The following DNAJC5 variants were observed in gnomAD, a reference collection of about 807,000 sequenced individuals.
The protein encoded by DNAJC5 is dnaJ homolog subfamily C member 5.
A neutral mutation model predicts 23.2 loss-of-function variants in DNAJC5; 1 was observed. The observed-to-expected ratio is 0.04, with a 90% CI of 0.02 to 0.20. The LOEUF is 0.20. Among genes scored for constraint, DNAJC5 ranks in the 10% least tolerant of loss-of-function variants. The probability of loss-of-function intolerance (pLI) is 1.00; values close to 1 mark genes in which losing one functional copy is unlikely to be tolerated. For missense variants in DNAJC5, 180 were observed against 267.0 expected (o/e 0.67, Z 2.27); for synonymous variants, 136 against 120.0 (o/e 1.13, Z -0.87).
rs1361555854 is a variant in DNAJC5 at position 63,933,457 on chromosome 20, T to C, written c.*1889T>C. On this transcript the variant is annotated 3_prime_UTR_variant, in exon 5 of 5. Transcript: ENST00000360864. Reference sequence around the variant, plus strand: ...TTTGTTTGTCCCACTTTTCTTTGTTTCTTCTCACTAAAATGATCACGAAGA... The same window carrying C: ...TTTGTTTGTCCCACTTTTCTTTGTTCCTTCTCACTAAAATGATCACGAAGA... 1 of 152,346 alleles carries C rather than the reference T, an allele frequency of 6.6e-6. No individual in the cohort carries two copies. The highest frequency in any genetic ancestry group is 1.5e-5 in the Non-Finnish European group (1 of 68,040). 9.4% of individuals were successfully genotyped at this position (152,346 alleles called of 1,614,324 possible). A position where few individuals can be genotyped will look rare whatever the true frequency, so the allele number is the denominator to read the frequency against.
At position 63,932,873 on chromosome 20, in the gene DNAJC5, G is replaced by T. The variant is rs41278216; in HGVS notation, c.*1305G>T. On this transcript the variant is annotated 3_prime_UTR_variant, in exon 5 of 5. Coordinates refer to ENST00000360864, the MANE Select transcript of DNAJC5 (RefSeq NM_025219.3). The surrounding 1 kb of genome is among the most constrained non-coding windows in gnomAD (Gnocchi z 4.4). ...TTGGGAGGCCAGCAGCCAGACTACG[G>T]AATCCACATGTGGACCATGGGAAGT... is the stretch of plus-strand genomic sequence containing the variant. 1 of 152,542 alleles carries T rather than the reference G, an allele frequency of 6.6e-6. No homozygotes were observed. Among genetic ancestry groups the T allele is most frequent in the Non-Finnish European group, 1.5e-5 (1 of 68,088 alleles). 9.4% of individuals were successfully genotyped at this position (152,542 alleles called of 1,614,324 possible). A position where few individuals can be genotyped will look rare whatever the true frequency, so the allele number is the denominator to read the frequency against.
chr20:63,926,036 G>T (rs1193731968), intron 1 of DNAJC5, among the ~76,000 whole-genome samples: 2 of 152,080 alleles, frequency 1.3e-5, no homozygotes, highest in Admixed American at 6.6e-5. Context: ...CACTGTGTTA[G>T]CCAGGATGGT....
At chr20:63,917,564 AT>A (rs1326087365) in intron 1 of DNAJC5, among the ~76,000 whole-genome samples, 3 of 136,926 alleles carry the variant, frequency 2.2e-5, no homozygotes, top group Non-Finnish European at 4.7e-5. Context: ...TATTATTATT[AT>A]TTTTTTTTGA....
chr20:63,899,901 G>A (rs1191132148), intron 1 of DNAJC5, among the ~76,000 whole-genome samples: 1 of 62,848 alleles, frequency 1.6e-5, no homozygotes, highest in African/African-American at 6.3e-5. Context: ...TTTTTTTTTT[G>A]GTTGGGGGAC....
rs1021985784 is a variant in DNAJC5, at chr20:63,932,130, G to A, written c.*562G>A. On this transcript the variant is annotated 3_prime_UTR_variant, in exon 5 of 5. Coordinates refer to ENST00000360864, the MANE Select transcript of DNAJC5 (RefSeq NM_025219.3). The surrounding 1 kb of genome is among the most constrained non-coding windows in gnomAD (Gnocchi z 4.4). The stretch of plus-strand genomic sequence containing the variant: ...GCCGCGTCCTCCTGGCGTCACCGGC[G>A]TCACTGTCATTCCTTGGTGTCTGTG... 4 of 183,692 alleles carry A rather than the reference G, an allele frequency of 2.2e-5. 1 individual carries two copies. The highest frequency in any genetic ancestry group is 2.1e-4 in the Admixed American group (4 of 18,634). The allele number at this position is 183,692 out of a possible 1,614,324, so 11.4% of individuals were successfully genotyped here. A position where few individuals can be genotyped will look rare whatever the true frequency, so the allele number is the denominator to read the frequency against.
chr20:63,913,916 G>A (rs1380818905), intron 1 of DNAJC5, among the ~76,000 whole-genome samples: 3 of 152,170 alleles, frequency 2.0e-5, no homozygotes, highest in Non-Finnish European at 2.9e-5. Context: ...TATTCAGACC[G>A]TCCATTGCAG....
At position 63,902,358 on chromosome 20, in the gene DNAJC5, C is replaced by CTT. The variant is rs34309020; in HGVS notation, c.-12+7058_-12+7059dup. On this transcript the variant is annotated intron_variant, in intron 1 of 4. Transcript: ENST00000360864. ...CGTGAGCCACTGCTCCTGGCCTCAT[C>CTT]TTTTTTTTTTTTTTTTTTTTTTTTG... Among the ~76,000 whole-genome samples, 758 of 83,184 alleles carry CTT rather than the reference C, an allele frequency of 9.1e-3. 1 individual carries two copies. Among genetic ancestry groups the CTT allele is most frequent in the African/African-American group, 0.013 (252 of 18,878 alleles). 54.6% of individuals were successfully genotyped at this position (83,184 alleles called of 152,430 possible).
At chr20:63,916,193 A>G (rs991315654) in intron 1 of DNAJC5, among the ~76,000 whole-genome samples, 4 of 152,186 alleles carry the variant, frequency 2.6e-5, no homozygotes, top group Admixed American at 2.0e-4. Flanking sequence ...AGCAATCTGC[A>G]TTCCTCAGCC....
At chr20:63,899,709 G>A (rs1001281546) in intron 1 of DNAJC5, among the ~76,000 whole-genome samples, 2 of 151,970 alleles carry the variant, frequency 1.3e-5, no homozygotes, top group African/African-American at 4.8e-5. Flanking sequence ...AGCCTCCCGA[G>A]TAGCTGGGAC....
At chr20:63,898,436 G>A (rs2053388310) in intron 1 of DNAJC5, among the ~76,000 whole-genome samples, 2 of 152,230 alleles carry the variant, frequency 1.3e-5, no homozygotes, top group South Asian at 2.1e-4. Context: ...CTGGGTCCTC[G>A]GGCTGGGTTG....
chr20:63,913,922 T>C (rs1465242953), intron 1 of DNAJC5, among the ~76,000 whole-genome samples: 1 of 152,166 alleles, frequency 6.6e-6, no homozygotes, highest in African/African-American at 2.4e-5. Flanking sequence ...GACCGTCCAT[T>C]GCAGGATGTG....
chr20:63,896,460 G>C (rs2053376253), intron 1 of DNAJC5, among the ~76,000 whole-genome samples: 1 of 152,172 alleles, frequency 6.6e-6, no homozygotes, highest in African/African-American at 2.4e-5. Flanking sequence ...TGGCTGTGTG[G>C]ACTCTGAGGG....
intron 1 of DNAJC5, among the ~76,000 whole-genome samples, chr20:63,926,727 A>G (rs1160208908): frequency 6.6e-6 from 1 of 152,148 alleles, no homozygotes; most frequent in Non-Finnish European, 1.5e-5. Context: ...ACCCCTTTCT[A>G]TTCGGGACCC....
intron 1 of DNAJC5, among the ~76,000 whole-genome samples, chr20:63,926,468 G>A (rs552517783): frequency 6.6e-6 from 1 of 152,328 alleles, no homozygotes; most frequent in South Asian, 2.1e-4. Flanking sequence ...CGGAGCCTTA[G>A]GCCTTGATTA....
chr20:63,924,305 C>G (rs543523365), intron 1 of DNAJC5, among the ~76,000 whole-genome samples: 4 of 152,158 alleles, frequency 2.6e-5, no homozygotes, highest in Non-Finnish European at 5.9e-5. Flanking sequence ...GCTTCTAATC[C>G]GTGAACATGA....
rs140910126 is a variant in DNAJC5, at chr20:63,914,272, T to A, written c.-11-14063T>A. Reference sequence around the variant, plus strand: ...ATAATGGAATGCTTATGTTGAAATATTATTTTAAGTACTATTATCTATGAT... The same window carrying A: ...ATAATGGAATGCTTATGTTGAAATAATATTTTAAGTACTATTATCTATGAT... On this transcript the variant is annotated intron_variant, in intron 1 of 4. Transcript: ENST00000360864. Among the ~76,000 whole-genome samples, 386 of 152,336 alleles carry A rather than the reference T, an allele frequency of 2.5e-3. 2 individuals are homozygous for A. The highest frequency in any genetic ancestry group is 6.8e-3 in the Middle Eastern group (2 of 294).
rs1322618107 is a variant in DNAJC5, at chr20:63,932,004, G to C, written c.*436G>C. ...CCGGAGGCAGGTGCTGCCTGGCAGA[G>C]CTGTGTTACCGTCTTGGCCTCGGGG... is the stretch of plus-strand genomic sequence containing the variant. On this transcript the variant is annotated 3_prime_UTR_variant, in exon 5 of 5. Coordinates refer to ENST00000360864, the MANE Select transcript of DNAJC5 (RefSeq NM_025219.3). This position sits in a 1 kb window ranked among gnomAD's most constrained non-coding sequence, Gnocchi z 4.4. 1 of 332,136 alleles carries C rather than the reference G, an allele frequency of 3.0e-6. No individual in the cohort carries two copies. Among genetic ancestry groups the C allele is most frequent in the Non-Finnish European group, 5.9e-6 (1 of 169,694 alleles). The allele number at this position is 332,136 out of a possible 1,614,324, so 20.6% of individuals were successfully genotyped here.
rs3764726 is a variant in DNAJC5, at chr20:63,932,500, A to G, written c.*932A>G. The G allele has an allele frequency of 6.5e-6, 1 of 152,684 alleles. No individual in the cohort carries two copies. The highest frequency in any genetic ancestry group is 1.9e-4 in the East Asian group (1 of 5,288). 9.5% of individuals were successfully genotyped at this position (152,684 alleles called of 1,614,324 possible). ...TAGCCCTTTTTGGACCTTTAGAACC[A>G]CAGATGATAGGACCAGCCCAATGAG... On this transcript the variant is annotated 3_prime_UTR_variant, in exon 5 of 5. Transcript: ENST00000360864. The surrounding 1 kb of genome is among the most constrained non-coding windows in gnomAD (Gnocchi z 4.4).
intron 1 of DNAJC5, among the ~76,000 whole-genome samples, chr20:63,913,962 T>A (rs1373780218): frequency 6.6e-6 from 1 of 152,202 alleles, no homozygotes; most frequent in African/African-American, 2.4e-5. Context: ...TGTCTCTCTC[T>A]GAGCACTCCA....
Sources: gnomAD v4.1 joint callset for allele counts (sites outside exome capture counted in the v4.1 genomes callset) on GRCh38, gnomAD v4.1.1 for gene constraint, Gnocchi (gnomAD v3.1) non-coding constraint, MANE v1.5 for transcripts, NCBI Gene and HGNC (gene_info 2026-07-23, HGNC 2026-07-21) for gene names.